Variants in CFAP299 observed in about 807,000 individuals in gnomAD.
CFAP299 encodes cilia- and flagella-associated protein 299.
A neutral mutation model predicts 27.0 loss-of-function variants in CFAP299; 21 were observed. That is an observed-to-expected ratio of 0.78 (90% CI 0.55 to 1.12). The LOEUF is 1.12. Among genes scored for constraint, CFAP299 ranks in the 50% most tolerant of loss-of-function variants. CFAP299 has a pLI of 0.00. For synonymous variants in CFAP299, 104 were observed against 98.1 expected, an observed-to-expected ratio of 1.06 and a Z score of -0.36; for missense variants, 310 against 276.6, an observed-to-expected ratio of 1.12 and a Z score of -0.86.
intron 2 of CFAP299, among the ~76,000 whole-genome samples, chr4:80,447,337 GT>G (rs1333836852): frequency 2.0e-5 from 3 of 150,528 alleles, no homozygotes; most frequent in Non-Finnish European, 4.4e-5. Flanking sequence ...GGGTTTCACC[GT>G]TTTAGCCGGG....
intron 2 of CFAP299, among the ~76,000 whole-genome samples, chr4:80,378,517 A>G (rs1391837776): frequency 2.0e-5 from 3 of 151,894 alleles, no homozygotes; most frequent in Admixed American, 1.3e-4. Flanking sequence ...GCATTCTCTC[A>G]TTATTAAATA....
chr4:80,419,138 C>T (rs371022301), intron 2 of CFAP299, among the ~76,000 whole-genome samples: 4 of 152,022 alleles, frequency 2.6e-5, no homozygotes, highest in African/African-American at 7.2e-5. Flanking sequence ...AGAGCAAGAG[C>T]GAAAGTTTGC....
intron 3 of CFAP299, among the ~76,000 whole-genome samples, chr4:80,691,923 A>G (rs1720731134): frequency 6.6e-6 from 1 of 152,218 alleles, no homozygotes; most frequent in Non-Finnish European, 1.5e-5. Flanking sequence ...GAGCCAAATC[A>G]TGAGTGAACT....
chr4:80,883,428 TCCTC>T lies in CFAP299; in HGVS notation c.476+13297_476+13300del, dbSNP rs147100390. Among the ~76,000 whole-genome samples the T allele has an allele frequency of 2.9e-3, 437 of 152,082 alleles. 2 individuals carry two copies. The highest frequency in any genetic ancestry group is 0.01 in the African/African-American group (423 of 41,522). Reference sequence around the variant, plus strand: ...AAAACAACAAAATGACAATTAAAAGTCCTCCCTATCAATAATTACTATATATGTA... The same window carrying T: ...AAAACAACAAAATGACAATTAAAAGTCCTATCAATAATTACTATATATGTA... On this transcript the variant is annotated intron_variant, in intron 4 of 5. Transcript: ENST00000358105.
chr4:80,602,208 T>C (rs1560649506), intron 3 of CFAP299, among the ~76,000 whole-genome samples: 3 of 149,828 alleles, frequency 2.0e-5, no homozygotes, highest in Admixed American at 2.0e-4. Flanking sequence ...ACCCCTGAAC[T>C]TAAAATAAAA....
At chr4:80,567,780 A>G (rs1423664319) in intron 2 of CFAP299, among the ~76,000 whole-genome samples, 2 of 150,798 alleles carry the variant, frequency 1.3e-5, no homozygotes, top group Admixed American at 6.6e-5. Context: ...GTTTAAATAC[A>G]AACGAAAAGT....
At position 80,938,253 on chromosome 4, in the gene CFAP299, G is replaced by T. The variant is rs191273794; in HGVS notation, c.477-6557G>T. 4.1e-3 allele frequency among the ~76,000 whole-genome samples: 617 copies of T among 152,278 alleles called. 1 individual carries two copies. Among genetic ancestry groups the T allele is most frequent in the Middle Eastern group, 0.014 (4 of 294 alleles). The stretch of plus-strand genomic sequence containing the variant: ...GCCCCAAAACGGGCCGTAAACAAAA[G>T]CTGGGCAGCACAGTTAACATGTTTG... On this transcript the variant is annotated intron_variant, in intron 4 of 5. Transcript: ENST00000358105.
At chr4:80,768,344 G>A (rs1022265929) in intron 3 of CFAP299, among the ~76,000 whole-genome samples, 2 of 152,162 alleles carry the variant, frequency 1.3e-5, no homozygotes, top group African/African-American at 4.8e-5. Context: ...AAGTCAAAGA[G>A]ACAGAGATTG....
intron 2 of CFAP299, among the ~76,000 whole-genome samples, chr4:80,460,715 T>C (rs568084084): frequency 2.0e-5 from 3 of 152,350 alleles, no homozygotes; most frequent in East Asian, 3.9e-4. Flanking sequence ...TCCAATTCTT[T>C]GCCTTTTCTC....
At chr4:80,614,202 T>C (rs1258430096) in intron 3 of CFAP299, among the ~76,000 whole-genome samples, 1 of 152,192 alleles carries the variant, frequency 6.6e-6, no homozygotes, top group East Asian at 1.9e-4. Context: ...GCTATTTTTT[T>C]CTATCCTAAT....
intron 3 of CFAP299, among the ~76,000 whole-genome samples, chr4:80,665,603 G>C (rs1293058943): frequency 6.6e-6 from 1 of 151,992 alleles, no homozygotes; most frequent in African/African-American, 2.4e-5. Flanking sequence ...ATTGCTTTTA[G>C]TCTAACTTGA....
chr4:80,776,891 C>T (rs1578113753), intron 3 of CFAP299, among the ~76,000 whole-genome samples: 1 of 151,044 alleles, frequency 6.6e-6, no homozygotes, highest in South Asian at 2.1e-4. Context: ...AAAAAAAACC[C>T]TCTGGGACAA....
At chr4:80,934,005 C>A (rs1181750656) in intron 4 of CFAP299, among the ~76,000 whole-genome samples, 3 of 152,078 alleles carry the variant, frequency 2.0e-5, no homozygotes, top group African/African-American at 7.2e-5. Flanking sequence ...TGTCTTGTTC[C>A]TAACCTTGGA....
At chr4:80,931,162 A>G (rs1736595794) in intron 4 of CFAP299, among the ~76,000 whole-genome samples, 1 of 147,528 alleles carries the variant, frequency 6.8e-6, no homozygotes, top group Non-Finnish European at 1.5e-5. Flanking sequence ...TGAGTGAGTG[A>G]GTGAGTGAGT....
At chr4:80,905,588 T>A (rs1473859287) in intron 4 of CFAP299, among the ~76,000 whole-genome samples, 1 of 152,152 alleles carries the variant, frequency 6.6e-6, no homozygotes, top group Admixed American at 6.6e-5. Context: ...GGGTAATTTA[T>A]AAAGGAAGGA....
At chr4:80,416,052 G>A (rs1180396160) in intron 2 of CFAP299, among the ~76,000 whole-genome samples, 1 of 152,152 alleles carries the variant, frequency 6.6e-6, no homozygotes, top group Non-Finnish European at 1.5e-5. Context: ...AAGCAAATAG[G>A]AGAAATTACT....
In CFAP299 at chr4:80,558,350, G is replaced by GTTTTTTTT. The variant is rs1352651407; in HGVS notation, c.243-24740_243-24739insTTTTTTTT. 1.5e-3 allele frequency among the ~76,000 whole-genome samples: 199 copies of GTTTTTTTT among 132,164 alleles called. 9 individuals are homozygous for GTTTTTTTT. The highest frequency in any genetic ancestry group is 5.5e-3 in the African/African-American group (183 of 33,020). The allele number at this position is 132,164 out of a possible 152,430, so 86.7% of individuals were successfully genotyped here. On this transcript the variant is annotated intron_variant, in intron 2 of 5. Transcript: ENST00000358105. The stretch of plus-strand genomic sequence containing the variant: ...GAAGACTTTTGTGGTTTTTTTGTTT[G>GTTTTTTTT]TTTGTTTGTTTGTTTGTTTTTTTTT...
At chr4:80,864,523 TATATACATATA>T (rs1297891994) in intron 3 of CFAP299, among the ~76,000 whole-genome samples, 3 of 147,540 alleles carry the variant, frequency 2.0e-5, no homozygotes, top group African/African-American at 7.4e-5. Flanking sequence ...TATATACGTA[TATATACATATA>T]CGTATATATA....
At chr4:80,630,239 G>A (rs1056759295) in intron 3 of CFAP299, among the ~76,000 whole-genome samples, 2 of 152,114 alleles carry the variant, frequency 1.3e-5, no homozygotes, top group Non-Finnish European at 2.9e-5. Flanking sequence ...CTTTTCTTGT[G>A]GTAGGGAGTA....
Sources: allele counts gnomAD v4.1 joint callset (sites outside exome capture counted in the v4.1 genomes callset), GRCh38; gene constraint gnomAD v4.1.1; transcripts MANE v1.5; gene names NCBI Gene and HGNC (gene_info 2026-07-23, HGNC 2026-07-21).